The following CEP152 variants were observed in gnomAD, a reference collection of about 807,000 sequenced individuals.
CEP152 encodes the protein centrosomal protein of 152 kDa.
A neutral mutation model predicts 188.9 loss-of-function variants in CEP152; 132 were observed. That is an observed-to-expected ratio of 0.70 (90% confidence interval 0.61 to 0.81). The LOEUF is 0.81. CEP152 is among the 30% of genes least tolerant of loss of function. The probability of loss-of-function intolerance (pLI) is 0.00; values close to 1 mark genes in which losing one functional copy is unlikely to be tolerated. For synonymous variants in CEP152, 649 were observed against 666.6 expected (o/e 0.97, Z 0.41); for missense variants, 1,914 against 1,969.8 (o/e 0.97, Z 0.54).
chr15:48,790,781 T>A (rs928107086), intron 8 of CEP152, among the ~76,000 whole-genome samples: 2 of 152,210 alleles, frequency 1.3e-5, no homozygotes, highest in African/African-American at 4.8e-5. Context: ...TTGGCCAGGC[T>A]GGTCTCAAAC....
At chr15:48,745,442 T>G (rs1893332630) in intron 22 of CEP152, among the ~76,000 whole-genome samples, 2 of 137,662 alleles carry the variant, frequency 1.5e-5, no homozygotes, top group African/African-American at 3.1e-5. Flanking sequence ...GATTTTCAAT[T>G]CTTTGAACTT....
chr15:48,782,108 C>G, intron 11 of CEP152, 31 bp downstream of exon 11: 1 of 1,578,900 alleles, frequency 6.3e-7, no homozygotes, highest in Non-Finnish European at 8.7e-7. Flanking sequence ...TTCAGATACC[C>G]ATAGAGCCTC....
At chr15:48,798,142 G>GAGGT (rs1897439497) in intron 2 of CEP152, 91 bp from the exon 3 acceptor site, 1 of 923,228 alleles carries the variant, frequency 1.1e-6, no homozygotes, top group African/African-American at 1.6e-5. Flanking sequence ...TTTTACTGTA[G>GAGGT]AGGTCAAAGA....
chr15:48,756,488 A>AT lies in CEP152; in HGVS notation c.2759dup (p.Asn920LysfsTer20). On this transcript the variant is annotated frameshift_variant, in exon 20 of 27. Transcript: ENST00000380950. LOFTEE classifies it high-confidence loss of function. ...CTTCCAATTCCTTTCCAGGAAGTAT[A>AT]TTTTTCCTCATATTTTCAAGCTCAC... 6.2e-7 allele frequency: 1 copy of AT among 1,612,480 alleles called. No homozygotes were observed. The highest frequency in any genetic ancestry group is 8.5e-7 in the Non-Finnish European group (1 of 1,179,886).
At chr15:48,757,744 ACTAT>A (rs1385881275) in intron 19 of CEP152, among the ~76,000 whole-genome samples, 1 of 152,160 alleles carries the variant, frequency 6.6e-6, no homozygotes, top group East Asian at 1.9e-4. Context: ...AAAGGAACCC[ACTAT>A]CTAAGGTGAG....
Position 48,738,595 on chromosome 15 carries a change from T to C in CEP152, c.4787A>G (p.Gln1596Arg). 6.2e-7 allele frequency: 1 copy of C among 1,614,204 alleles called. No individual in the cohort carries two copies. The highest frequency in any genetic ancestry group is 8.5e-7 in the Non-Finnish European group (1 of 1,180,022). ...REASFVHGRP[Q>R]GTLEIPSESV... ...TTCACTTGGTATTTCCAAAGTTCCT[T>C]GTGGCCTACCATGTACAAATGATGC... The change falls in exon 27 of 27, where the codon CAA becomes CGA. Residue 1596 changes from glutamine (Q) to arginine (R), a missense_variant. Physicochemically the swap from Gln to Arg is conservative, Grantham distance 43 (BLOSUM62 1). Coordinates refer to ENST00000380950, the MANE Select transcript of CEP152 (RefSeq NM_001194998.2).
At chr15:48,805,535 C>CTCTT (rs1555429156) in intron 2 of CEP152, 28 bp downstream of exon 2, 19 of 1,239,572 alleles carry the variant, frequency 1.5e-5, no homozygotes, top group South Asian at 4.1e-5. Context: ...TTTAGTGTCT[C>CTCTT]TTTTTTTTTT....
At chr15:48,762,890 A>G (rs1334543918) in intron 17 of CEP152, among the ~76,000 whole-genome samples, 2 of 152,218 alleles carry the variant, frequency 1.3e-5, no homozygotes, top group South Asian at 2.1e-4. Flanking sequence ...CAAAAATCAC[A>G]TGAAAGATTT....
At chr15:48,742,275 G>A (rs1362372561) in intron 24 of CEP152, among the ~76,000 whole-genome samples, 175 bp from the exon 25 acceptor site, 1 of 152,152 alleles carries the variant, frequency 6.6e-6, no homozygotes, top group Non-Finnish European at 1.5e-5. Flanking sequence ...CATTTTGGTA[G>A]ACTCAAATGA....
chr15:48,760,082 G>C (rs1894564799), intron 19 of CEP152, 53 bp downstream of exon 19: 2 of 1,611,800 alleles, frequency 1.2e-6, no homozygotes, highest in South Asian at 2.2e-5. Flanking sequence ...TGAGATAAGA[G>C]AAGGGGTCAG....
intron 21 of CEP152, among the ~76,000 whole-genome samples, chr15:48,750,919 G>A (rs1893826169): frequency 6.6e-6 from 1 of 152,112 alleles, no homozygotes; most frequent in Admixed American, 6.5e-5. Context: ...AACAGCACTG[G>A]TGATGTTCTG....
chr15:48,756,141 T>C lies in CEP152; in HGVS notation c.3107A>G (p.Gln1036Arg). 6.2e-7 allele frequency: 1 copy of C among 1,614,128 alleles called. No homozygotes were observed. Among genetic ancestry groups the C allele is most frequent in the Non-Finnish European group, 8.5e-7 (1 of 1,179,990 alleles). ...EWTMQEAKRI[Q>R]LEIYQYEEDI... ...TTCCTCATACTGATAGATTTCCAGTTGGATCCGCTTGGCTTCCTGCATAGT... is the reference window on the plus strand; with the variant it reads ...TTCCTCATACTGATAGATTTCCAGTCGGATCCGCTTGGCTTCCTGCATAGT... The change falls in exon 20 of 27, where the codon CAA becomes CGA. Residue 1036 changes from glutamine to arginine, a missense_variant. Transcript: ENST00000380950.
chr15:48,755,238 C>G (rs1894171544), intron 20 of CEP152, among the ~76,000 whole-genome samples: 1 of 152,030 alleles, frequency 6.6e-6, no homozygotes. Context: ...TATAGTACAT[C>G]CAGAAACTGG....
chr15:48,787,312 C>T (rs956089657), intron 9 of CEP152, among the ~76,000 whole-genome samples: 2 of 151,836 alleles, frequency 1.3e-5, no homozygotes, highest in East Asian at 1.9e-4. Flanking sequence ...GGACTACAGG[C>T]GCATGCCACC....
chr15:48,736,327 G>A (rs1372538725), downstream of CEP152, among the ~76,000 whole-genome samples: 1 of 152,088 alleles, frequency 6.6e-6, no homozygotes, highest in Admixed American at 6.6e-5. Context: ...AAGCAAGACA[G>A]AGAGCATGGG....
Position 48,756,446 on chromosome 15 carries a change from AAG to A in CEP152, c.2800_2801del (p.Leu934SerfsTer5). Reference sequence around the variant, plus strand: ...CGTTCTTTAACTCAAGTTCCTTCTGAAGAGAATGAATCTTCTCTTCCAATTCC... The same window carrying A: ...CGTTCTTTAACTCAAGTTCCTTCTGAAGAATGAATCTTCTCTTCCAATTCC... ...GKELEEKIHS[L>X]QKELELKNEE... is the part of the protein sequence containing the mutation. On this transcript the variant is annotated frameshift_variant, in exon 20 of 27. Coordinates refer to ENST00000380950, the MANE Select transcript of CEP152 (RefSeq NM_001194998.2). LOFTEE classifies it high-confidence loss of function. The A allele has an allele frequency of 6.2e-7, 1 of 1,613,824 alleles. No homozygotes were observed. The highest frequency in any genetic ancestry group is 1.1e-5 in the South Asian group (1 of 91,062).
intron 2 of CEP152, among the ~76,000 whole-genome samples, chr15:48,805,346 T>C (rs148492384): frequency 2.2e-3 from 339 of 152,280 alleles, no homozygotes; most frequent in Non-Finnish European, 4.0e-3. Context: ...TCTGATGGTA[T>C]TATTCACAGT....
Position 48,787,166 on chromosome 15 carries a change from T to TTTTGTTTG in CEP152, c.1173+1634_1173+1635insCAAACAAA, listed in dbSNP as rs1437518749. Among the ~76,000 whole-genome samples the TTTTGTTTG allele has an allele frequency of 3.8e-5, 4 of 105,392 alleles. 1 individual carries two copies. In the East Asian group the frequency reaches 9.2e-4, roughly 24 times the overall value. 69.1% of individuals were successfully genotyped at this position (105,392 alleles called of 152,430 possible). Reference sequence around the variant, plus strand: ...TCAATAATTTGGTATAGCCTTCGTTTTTTTTTTTTTTTTTTTCTGGAAAAA... The same window carrying TTTTGTTTG: ...TCAATAATTTGGTATAGCCTTCGTTTTTTGTTTGTTTTTTTTTTTTTTTTCTGGAAAAA... On this transcript the variant is annotated intron_variant, in intron 9 of 26. Transcript: ENST00000380950.
At chr15:48,778,409 GTATAATAGCTTT>G (rs1398053828) in intron 12 of CEP152, among the ~76,000 whole-genome samples, 1 of 152,168 alleles carries the variant, frequency 6.6e-6, no homozygotes, top group East Asian at 1.9e-4. Flanking sequence ...TTTGATCTGA[GTATAATAGCTTT>G]TAGTTTTCCA....
Sources: gnomAD v4.1 joint callset for allele counts (sites outside exome capture counted in the v4.1 genomes callset) on GRCh38, gnomAD v4.1.1 for gene constraint, MANE v1.5 for transcripts, NCBI Gene and HGNC (gene_info 2026-07-23, HGNC 2026-07-21) for gene names.